Variants in HPGDS observed in about 807,000 individuals in gnomAD.
HPGDS encodes the protein hematopoietic prostaglandin D synthase, also known as GST class-sigma.
HPGDS carries 26 observed loss-of-function variants against 23.1 expected under a neutral mutation model. That is an observed-to-expected ratio of 1.13 (90% CI 0.83 to 1.56). HPGDS has a LOEUF of 1.56. Among genes scored for constraint, HPGDS ranks in the 40% most tolerant of loss-of-function variants. HPGDS has a pLI of 0.00. For synonymous variants in HPGDS, 95 were observed against 77.9 expected (o/e 1.22, Z -1.16); for missense variants, 268 against 236.4 (o/e 1.13, Z -0.88).
chr4:94,299,790 G>A, intron 5 of HPGDS, 146 bp from the exon 6 acceptor site: 1 of 704,840 alleles, frequency 1.4e-6, no homozygotes, highest in Non-Finnish European at 2.3e-6. Flanking sequence ...TAGAAGTTCA[G>A]AAAATTACTG....
chr4:94,331,350 G>A (rs184807388), intron 2 of HPGDS, among the ~76,000 whole-genome samples: 244 of 151,964 alleles, frequency 1.6e-3, no homozygotes, highest in African/African-American at 5.5e-3. Flanking sequence ...TTTTTTTCTC[G>A]CTAAATCATC....
At chr4:94,323,335 T>C (rs545310451) in intron 2 of HPGDS, among the ~76,000 whole-genome samples, 8 of 152,312 alleles carry the variant, frequency 5.3e-5, no homozygotes, top group African/African-American at 1.7e-4. Context: ...TTCTTTCTCA[T>C]TGATCTGTCT....
intron 3 of HPGDS, among the ~76,000 whole-genome samples, chr4:94,310,537 G>A (rs1473080649): frequency 1.3e-5 from 2 of 152,196 alleles, no homozygotes; most frequent in African/African-American, 2.4e-5. Flanking sequence ...GGTTACTGTA[G>A]CCTTGTAGTA....
At chr4:94,340,314 T>TC (rs1560598045) in intron 1 of HPGDS, among the ~76,000 whole-genome samples, 830 of 10,982 alleles carry the variant, frequency 0.076, 18 homozygotes, top group Non-Finnish European at 0.099. Context: ...TCTTTCTCTT[T>TC]TTTTTTTTTT....
intron 3 of HPGDS, among the ~76,000 whole-genome samples, chr4:94,317,022 T>C (rs1756409965): frequency 6.6e-6 from 1 of 152,240 alleles, no homozygotes; most frequent in South Asian, 2.1e-4. Flanking sequence ...CATGTTAGTG[T>C]AACACAAAAC....
intron 4 of HPGDS, among the ~76,000 whole-genome samples, chr4:94,303,507 A>G (rs1401413258): frequency 6.6e-6 from 1 of 152,174 alleles, no homozygotes; most frequent in Non-Finnish European, 1.5e-5. Flanking sequence ...ACCGAAGCTT[A>G]TAAAGCTTGT....
chr4:94,324,459 T>C (rs778125272), intron 2 of HPGDS, among the ~76,000 whole-genome samples: 2 of 152,158 alleles, frequency 1.3e-5, no homozygotes, highest in Non-Finnish European at 2.9e-5. Context: ...GTTCATTTCT[T>C]TTTACTCTTT....
chr4:94,317,205 T>C (rs552632575), intron 3 of HPGDS, among the ~76,000 whole-genome samples: 35 of 152,190 alleles, frequency 2.3e-4, no homozygotes, highest in African/African-American at 8.4e-4. Context: ...AGAAACGAGC[T>C]TTAAAAGAAG....
intron 2 of HPGDS, among the ~76,000 whole-genome samples, chr4:94,332,556 A>C (rs1213922479): frequency 2.0e-5 from 3 of 152,234 alleles, no homozygotes; most frequent in African/African-American, 7.2e-5. Flanking sequence ...GGGCCCACAC[A>C]GAGCTTGCTC....
chr4:94,299,388 G>A lies in HPGDS; in HGVS notation c.*92C>T. 1 of 1,056,728 alleles carries A rather than the reference G, an allele frequency of 9.5e-7. No individual in the cohort carries two copies. Among genetic ancestry groups the A allele is most frequent in the Admixed American group, 2.4e-5 (1 of 40,880 alleles). 65.5% of individuals were successfully genotyped at this position (1,056,728 alleles called of 1,614,324 possible). On this transcript the variant is annotated 3_prime_UTR_variant, in exon 6 of 6. Transcript: ENST00000295256. The stretch of plus-strand genomic sequence containing the variant: ...AAATCTTAGTGGAGCTGGGGAGGGA[G>A]CATGTGGATTATCTGGCAGGCTGAT...
chr4:94,321,541 A>C (rs1423322065), intron 2 of HPGDS, among the ~76,000 whole-genome samples: 39 of 152,178 alleles, frequency 2.6e-4, no homozygotes, highest in Admixed American at 1.2e-3. Context: ...AATGGGAGTT[A>C]ATTCATGATT....
At chr4:94,327,961 CA>C (rs1380982467) in intron 2 of HPGDS, among the ~76,000 whole-genome samples, 13 of 152,178 alleles carry the variant, frequency 8.5e-5, no homozygotes, top group Admixed American at 4.6e-4. Flanking sequence ...ACTTGGGTCT[CA>C]GGGGGTGTGT....
In HPGDS at chr4:94,299,469, A is replaced by G. The variant is rs775110960; in HGVS notation, c.*11T>C. 1 of 1,603,188 alleles carries G rather than the reference A, an allele frequency of 6.2e-7. No homozygotes were observed. Among genetic ancestry groups the G allele is most frequent in the African/African-American group, 1.3e-5 (1 of 74,454 alleles). Reference sequence around the variant, plus strand: ...CCCGAGAAAAACAAACTTGAAGGCAACATGGATCAGCTAGAGTTTGGTTTG... The same window carrying G: ...CCCGAGAAAAACAAACTTGAAGGCAGCATGGATCAGCTAGAGTTTGGTTTG... On this transcript the variant is annotated 3_prime_UTR_variant, in exon 6 of 6. Transcript: ENST00000295256.
chr4:94,318,525 T>G (rs1756440544), intron 2 of HPGDS, among the ~76,000 whole-genome samples: 2 of 152,264 alleles, frequency 1.3e-5, no homozygotes, highest in Admixed American at 6.5e-5. Flanking sequence ...TTCCATATAT[T>G]TGTATAGTTT....
intron 2 of HPGDS, 129 bp downstream of exon 2, chr4:94,334,368 C>T (rs981045659): frequency 6.2e-6 from 5 of 804,314 alleles, no homozygotes; most frequent in Non-Finnish European, 7.5e-6. Context: ...TTTATTTAGT[C>T]TGAACTGCTG....
intron 3 of HPGDS, among the ~76,000 whole-genome samples, 159 bp downstream of exon 3, chr4:94,317,714 G>T (rs1248942217): frequency 1.3e-5 from 2 of 152,196 alleles, no homozygotes; most frequent in Non-Finnish European, 2.9e-5. Context: ...CTCATGGAAA[G>T]TTAAACTGAT....
chr4:94,321,279 G>C (rs552570675), intron 2 of HPGDS, among the ~76,000 whole-genome samples: 1 of 152,294 alleles, frequency 6.6e-6, no homozygotes, highest in East Asian at 1.9e-4. Context: ...CTTTAAAGTA[G>C]TTTTTTCCAA....
Position 94,302,175 on chromosome 4 carries a change from CT to C in HPGDS, c.405del (p.Arg138GlufsTer9), listed in dbSNP as rs1214651132. ...TTACCAATAAGCCATTCTCTCCCCC[CT>C]AAATATGTGTCCAAGTCTTGCATAA... ...PHLMQDLDTY[L>X]GGREWLIGNS... On this transcript the variant is annotated frameshift_variant, in exon 5 of 6. Coordinates refer to ENST00000295256, the MANE Select transcript of HPGDS (RefSeq NM_014485.3). LOFTEE classifies it high-confidence loss of function. 4 of 1,612,198 alleles carry C rather than the reference CT, an allele frequency of 2.5e-6. No homozygotes were observed. Among genetic ancestry groups the C allele is most frequent in the Non-Finnish European group, 3.4e-6 (4 of 1,178,616 alleles).
In HPGDS at chr4:94,315,459, A is replaced by G. The variant is rs79253656; in HGVS notation, c.226+2414T>C. Among the ~76,000 whole-genome samples the G allele has an allele frequency of 2.0e-5, 3 of 152,250 alleles. No individual in the cohort carries two copies. The East Asian group carries it at 5.8e-4, about 29-fold the overall frequency. ...TCAGGAGCATTTGTTTTCTGACTGG[A>G]GACTAAAATTTTTAAATAATAGAGG... On this transcript the variant is annotated intron_variant, in intron 3 of 5. Coordinates refer to ENST00000295256, the MANE Select transcript of HPGDS (RefSeq NM_014485.3).
Sources: gnomAD v4.1 joint callset for allele counts (sites outside exome capture counted in the v4.1 genomes callset) on GRCh38, gnomAD v4.1.1 for gene constraint, MANE v1.5 for transcripts, NCBI Gene and HGNC (gene_info 2026-07-23, HGNC 2026-07-21) for gene names.